DIAPH2: variants seen among roughly 807,000 people sequenced by gnomAD.
DIAPH2 encodes the protein diaphanous related formin 2.
A neutral mutation model predicts 92.7 loss-of-function variants in DIAPH2; 35 were observed. That is an observed-to-expected ratio of 0.38 (90% CI 0.29 to 0.50). The LOEUF (loss-of-function observed/expected upper bound fraction) is 0.50, where lower values mean the gene tolerates loss of function less well. Among genes scored for constraint, DIAPH2 ranks in the 20% least tolerant of loss-of-function variants. The pLI, the probability that DIAPH2 is intolerant of heterozygous loss-of-function variation, is 0.94. For missense variants in DIAPH2, 701 were observed against 819.5 expected (o/e 0.86, Z 1.77); for synonymous variants, 301 against 280.4 (o/e 1.07, Z -0.73).
chrX:96,821,740 A>T (rs2064779428), intron 4 of DIAPH2, among the ~76,000 whole-genome samples: 1 of 111,690 alleles, frequency 9.0e-6, no homozygotes, highest in Admixed American at 9.6e-5. Context: ...TGCAGTATTT[A>T]TTTGGTTCTA....
At chrX:96,909,310 T>G (rs1004083294) in intron 5 of DIAPH2, among the ~76,000 whole-genome samples, 1 of 111,166 alleles carries the variant, frequency 9.0e-6, no homozygotes, top group Non-Finnish European at 1.9e-5. Context: ...GTTTTTAAAC[T>G]GCCTCCTCAT....
intron 22 of DIAPH2, among the ~76,000 whole-genome samples, chrX:97,177,330 G>C (rs1238931354): frequency 9.0e-6 from 1 of 111,590 alleles, no homozygotes; most frequent in African/African-American, 3.3e-5. Flanking sequence ...TAGTCAAATA[G>C]CACATGGCAA....
intron 1 of DIAPH2, among the ~76,000 whole-genome samples, chrX:96,721,371 C>A (rs2063987284): frequency 8.9e-6 from 1 of 111,834 alleles, no homozygotes; most frequent in Non-Finnish European, 1.9e-5. Context: ...AATGCAAATA[C>A]CATGGGAAAA....
intron 26 of DIAPH2, among the ~76,000 whole-genome samples, chrX:97,461,228 G>C (rs765436864): frequency 1.2e-5 from 1 of 84,974 alleles, no homozygotes; most frequent in South Asian, 6.1e-4. Flanking sequence ...TCTAAGACTA[G>C]TTTGTCTTTT....
At chrX:96,871,114 A>G (rs2065138489) in intron 4 of DIAPH2, among the ~76,000 whole-genome samples, 1 of 112,088 alleles carries the variant, frequency 8.9e-6, no homozygotes, top group South Asian at 3.7e-4. Flanking sequence ...GCACATTATC[A>G]TTGATCAAAT....
chrX:97,533,622 G>A (rs951415271), intron 26 of DIAPH2, among the ~76,000 whole-genome samples: 12 of 110,139 alleles, frequency 1.1e-4, no homozygotes, highest in Non-Finnish European at 1.9e-4. Flanking sequence ...CGATCATCTG[G>A]TCAATGTGTT....
Position 97,404,925 on chromosome X carries a change from A to G in DIAPH2, c.3145+20881A>G, listed in dbSNP as rs1424550099. On this transcript the variant is annotated intron_variant, in intron 25 of 26. Coordinates refer to ENST00000324765, the MANE Select transcript of DIAPH2 (RefSeq NM_006729.5). ...AACATGGCAGATATATCGATATTCT[A>G]GATAATATTGTCATTATTTCATGTG... is the stretch of plus-strand genomic sequence containing the variant. 2.7e-5 allele frequency among the ~76,000 whole-genome samples: 3 copies of G among 112,193 alleles called. No homozygotes were observed. In the Admixed American group the frequency reaches 2.8e-4, roughly 11 times the overall value.
intron 4 of DIAPH2, among the ~76,000 whole-genome samples, chrX:96,815,515 C>T (rs935172701): frequency 5.3e-5 from 6 of 112,201 alleles, no homozygotes; most frequent in South Asian, 7.4e-4. Context: ...TGCTTCGTCT[C>T]GCCCTCCGTG....
chrX:97,283,320 C>T (rs2068513631), intron 23 of DIAPH2, among the ~76,000 whole-genome samples: 1 of 111,448 alleles, frequency 9.0e-6, no homozygotes, highest in Non-Finnish European at 1.9e-5. Context: ...ATGATGTTAT[C>T]CTAGGATATA....
At chrX:97,011,574 A>G (rs1209549377) in intron 17 of DIAPH2, among the ~76,000 whole-genome samples, 2 of 111,411 alleles carry the variant, frequency 1.8e-5, no homozygotes, top group Non-Finnish European at 3.8e-5. Context: ...ATTGGAAGCA[A>G]TTTTGTTTTT....
intron 22 of DIAPH2, among the ~76,000 whole-genome samples, chrX:97,194,150 C>T (rs1197895801): frequency 9.0e-6 from 1 of 111,301 alleles, no homozygotes; most frequent in Non-Finnish European, 1.9e-5. Context: ...ACAAGTCTTG[C>T]ATTTGCTCCA....
In DIAPH2 at chrX:96,930,816, C is replaced by A; in HGVS notation, c.1062C>A (p.Leu354=). Residue 354 remains leucine, a synonymous_variant, in exon 10 of 27, where the codon CTC becomes CTA. Transcript: ENST00000324765. The part of the protein sequence containing the change: ...DFRIHLRNEF[L]RSGLKTMLPD... ...GAATACATTTAAGGAATGAATTCCT[C>A]CGTTCAGGACTAAAAACAATGTTAC... is the stretch of plus-strand genomic sequence containing the variant. The A allele has an allele frequency of 8.4e-7, 1 of 1,188,587 alleles. No homozygotes were observed. The highest frequency in any genetic ancestry group is 2.0e-5 in the South Asian group (1 of 51,144).
intron 5 of DIAPH2, among the ~76,000 whole-genome samples, chrX:96,883,347 C>T (rs2065232478): frequency 9.1e-6 from 1 of 109,662 alleles, no homozygotes; most frequent in Admixed American, 9.8e-5. Context: ...CTTGCCATTT[C>T]TTCCAAAATG....
Position 97,141,798 on chromosome X carries a change from A to G in DIAPH2, c.2719+4A>G. ...CACGTAGAAAGTGCAAGCAAAGGTA[A>G]TTGATTTATAACTACTTTGAGATTA... is the stretch of plus-strand genomic sequence containing the variant. On this transcript the variant is annotated splice_donor_region_variant and intron_variant, in intron 22 of 26. Transcript: ENST00000324765. 2 of 1,200,109 alleles carry G rather than the reference A, an allele frequency of 1.7e-6. No individual in the cohort carries two copies. Among genetic ancestry groups the G allele is most frequent in the Non-Finnish European group, 2.2e-6 (2 of 890,357 alleles).
intron 4 of DIAPH2, among the ~76,000 whole-genome samples, chrX:96,879,244 A>G (rs1362423024): frequency 2.7e-5 from 3 of 111,611 alleles, no homozygotes; most frequent in Admixed American, 1.9e-4. Flanking sequence ...GGAGAAGACT[A>G]TGGAGCTGAG....
At chrX:97,594,452 T>TAAC (rs1167223285) in intron 26 of DIAPH2, among the ~76,000 whole-genome samples, 1 of 112,807 alleles carries the variant, frequency 8.9e-6, no homozygotes, top group African/African-American at 3.2e-5. Flanking sequence ...GATTTCAGTA[T>TAAC]AACAGTCCAA....
At chrX:97,317,292 G>A (rs1195821015) in intron 23 of DIAPH2, among the ~76,000 whole-genome samples, 1 of 111,437 alleles carries the variant, frequency 9.0e-6, no homozygotes, top group Non-Finnish European at 1.9e-5. Flanking sequence ...CTCAAATAAC[G>A]TTTGAAACTC....
intron 24 of DIAPH2, among the ~76,000 whole-genome samples, chrX:97,353,464 T>C (rs2069237530): frequency 9.0e-6 from 1 of 111,269 alleles, no homozygotes; most frequent in Admixed American, 9.6e-5. Flanking sequence ...TCTGTCAGTT[T>C]CCTGCTGCTT....
At chrX:97,335,281 T>C (rs1175991613) in intron 23 of DIAPH2, among the ~76,000 whole-genome samples, 2 of 111,896 alleles carry the variant, frequency 1.8e-5, no homozygotes, top group Non-Finnish European at 3.8e-5. Flanking sequence ...CTGTTACTTA[T>C]CGTCTCCTAA....
Sources: gnomAD v4.1 joint callset for allele counts (sites outside exome capture counted in the v4.1 genomes callset) on GRCh38, gnomAD v4.1.1 for gene constraint, MANE v1.5 for transcripts, NCBI Gene and HGNC (gene_info 2026-07-23, HGNC 2026-07-21) for gene names.